Variants in KSR2 observed in about 807,000 individuals in gnomAD.
KSR2 encodes the protein kinase suppressor of ras 2.
A neutral mutation model predicts 107.8 loss-of-function variants in KSR2; 25 were observed. That is an observed-to-expected ratio of 0.23 (90% CI 0.17 to 0.32). KSR2 has a LOEUF of 0.32. Among genes scored for constraint, KSR2 ranks in the 10% least tolerant of loss-of-function variants. The pLI is 1.00. For synonymous variants in KSR2, 480 were observed against 507.0 expected (o/e 0.95, Z 0.71); for missense variants, 887 against 1,268.9 (o/e 0.70, Z 4.57).
chr12:117,700,787 G>A (rs920713099), intron 4 of KSR2, among the ~76,000 whole-genome samples: 1 of 152,182 alleles, frequency 6.6e-6, no homozygotes, highest in Non-Finnish European at 1.5e-5. Context: ...AGACAGAAAG[G>A]TTCATTCAGA....
chr12:117,629,410 G>GT (rs1302238597), intron 5 of KSR2, among the ~76,000 whole-genome samples: 1 of 152,220 alleles, frequency 6.6e-6, no homozygotes, highest in East Asian at 1.9e-4. Context: ...AAAAAAAGGT[G>GT]TTTTTTGTGG....
intron 5 of KSR2, among the ~76,000 whole-genome samples, chr12:117,656,981 G>GAGATATATATATAATAGGATATATATAT (rs1254292550): frequency 3.3e-4 from 32 of 98,192 alleles, no homozygotes; most frequent in East Asian, 1.5e-3. Flanking sequence ...TATATAATAG[G>GAGATATATATATAATAGGATATATATAT]ATATATATAT....
chr12:117,681,081 G>C (rs1842360571), intron 4 of KSR2, among the ~76,000 whole-genome samples: 1 of 152,098 alleles, frequency 6.6e-6, no homozygotes, highest in Admixed American at 6.5e-5. Context: ...ACCAGCCTGG[G>C]TAAGATGATG....
chr12:117,524,975 T>A lies in KSR2; in HGVS notation c.2096A>T (p.Asp699Val), dbSNP rs748068219. Residue 699 changes from aspartate (D) to valine (V), a missense_variant, in exon 14 of 20, where the codon GAC (aspartate) becomes GTC (valine). Physicochemically the swap from Asp to Val is radical, Grantham distance 152 (BLOSUM62 -3). Transcript: ENST00000339824. Reference protein sequence around the residue: ...VAIRLIDIERDNEDQLKAFKR... With the variant: ...VAIRLIDIERVNEDQLKAFKR... ...GAAGGCCTTGAGCTGGTCCTCGTTG[T>A]CCCTCTCAATGTCAATCAGCCGGAT... 6.2e-7 allele frequency: 1 copy of A among 1,613,834 alleles called. No individual in the cohort carries two copies. Among genetic ancestry groups the A allele is most frequent in the Non-Finnish European group, 8.5e-7 (1 of 1,179,850 alleles).
chr12:117,740,304 A>AAT (rs1374465583), intron 4 of KSR2, among the ~76,000 whole-genome samples: 1 of 141,166 alleles, frequency 7.1e-6, no homozygotes, highest in Non-Finnish European at 1.5e-5. Flanking sequence ...ACATATATAT[A>AAT]ATATATATAT....
intron 5 of KSR2, among the ~76,000 whole-genome samples, chr12:117,594,169 G>A (rs952135636): frequency 6.6e-6 from 1 of 152,108 alleles, no homozygotes; most frequent in Non-Finnish European, 1.5e-5. Flanking sequence ...AATGTTCAGC[G>A]GAAGTTAATT....
At chr12:117,709,379 G>A (rs1049057371) in intron 4 of KSR2, among the ~76,000 whole-genome samples, 1 of 152,086 alleles carries the variant, frequency 6.6e-6, no homozygotes, top group Non-Finnish European at 1.5e-5. Context: ...CATCACCCAA[G>A]CTGGAGTGCA....
intron 4 of KSR2, among the ~76,000 whole-genome samples, chr12:117,709,869 T>G (rs1011879780): frequency 6.6e-6 from 1 of 152,152 alleles, no homozygotes; most frequent in African/African-American, 2.4e-5. Flanking sequence ...ACTCCAGACA[T>G]TGCCCGCTGT....
At chr12:117,821,698 G>A (rs1891569523) in intron 3 of KSR2, among the ~76,000 whole-genome samples, 1 of 152,174 alleles carries the variant, frequency 6.6e-6, no homozygotes, top group African/African-American at 2.4e-5. Context: ...ATCTTTATGA[G>A]ATCTAAGCTG....
intron 1 of KSR2, among the ~76,000 whole-genome samples, chr12:117,945,636 T>C (rs564736344): frequency 6.6e-6 from 1 of 152,252 alleles, no homozygotes; most frequent in East Asian, 1.9e-4. Context: ...GTCGTGCCAT[T>C]GCACTCCAGC....
chr12:117,539,251 G>C (rs1037162903), intron 10 of KSR2, among the ~76,000 whole-genome samples: 2 of 152,194 alleles, frequency 1.3e-5, no homozygotes, highest in Non-Finnish European at 2.9e-5. Context: ...TCACATCTGG[G>C]TTAAGACTCA....
At chr12:117,850,500 G>A (rs1317288899) in intron 3 of KSR2, among the ~76,000 whole-genome samples, 1 of 152,140 alleles carries the variant, frequency 6.6e-6, no homozygotes, top group Admixed American at 6.5e-5. Context: ...TGAATGGTAG[G>A]ACTTCAAGTA....
chr12:117,693,199 A>T (rs1382510743), intron 4 of KSR2, among the ~76,000 whole-genome samples: 1 of 152,194 alleles, frequency 6.6e-6, no homozygotes, highest in Admixed American at 6.5e-5. Context: ...AGCAGCCAAG[A>T]CTGACCCCCA....
chr12:117,670,522 C>A (rs940957000), intron 4 of KSR2, among the ~76,000 whole-genome samples: 1 of 152,194 alleles, frequency 6.6e-6, no homozygotes, highest in Non-Finnish European at 1.5e-5. Flanking sequence ...AACCCTACAT[C>A]ATCACCCACC....
chr12:117,511,176 C>A (rs531787861), intron 14 of KSR2, among the ~76,000 whole-genome samples: 2 of 152,214 alleles, frequency 1.3e-5, no homozygotes, highest in Non-Finnish European at 2.9e-5. Flanking sequence ...AAGCATTCCC[C>A]TACAGGCTCT....
intron 3 of KSR2, among the ~76,000 whole-genome samples, chr12:117,790,103 G>T (rs1890204989): frequency 1.3e-5 from 2 of 152,166 alleles, no homozygotes; most frequent in South Asian, 4.1e-4. Context: ...TCCACTGCAT[G>T]GGACCAAAAC....
chr12:117,662,327 A>T (rs952572921), intron 5 of KSR2, among the ~76,000 whole-genome samples: 1 of 152,158 alleles, frequency 6.6e-6, no homozygotes, highest in African/African-American at 2.4e-5. Flanking sequence ...CCTTGGCCTT[A>T]AGCCTCATTA....
rs529578993 is a variant in KSR2, at chr12:117,530,958, C to T, written c.1785G>A (p.Pro595=). The change falls in exon 12 of 20, where the codon CCG becomes CCA. Residue 595 remains proline, a synonymous_variant. Transcript: ENST00000339824. ...PTRAPQVILH[P]VTSNPILEGN... ...TCACTTACATTGGATTCGAGGTCAC[C>T]GGATGCAGGATGACCTGGGGCGCCC... The T allele has an allele frequency of 2.7e-5, 43 of 1,613,562 alleles. No homozygotes were observed. The South Asian group carries it at 3.2e-4, about 12-fold the overall frequency.
At chr12:117,709,874 C>T (rs142791019) in intron 4 of KSR2, among the ~76,000 whole-genome samples, 1,526 of 152,268 alleles carry the variant, frequency 0.01, 25 homozygotes, top group Middle Eastern at 0.027. Context: ...AGACATTGCC[C>T]GCTGTCCCCT....
Sources: gnomAD v4.1 joint callset for allele counts (sites outside exome capture counted in the v4.1 genomes callset) on GRCh38, gnomAD v4.1.1 for gene constraint, MANE v1.5 for transcripts, NCBI Gene and HGNC (gene_info 2026-07-23, HGNC 2026-07-21) for gene names.